ZNF490: variants seen among roughly 807,000 people sequenced by gnomAD.
ZNF490 encodes zinc finger protein 490.
ZNF490 carries 11 observed loss-of-function variants against 17.7 expected under a neutral mutation model. The observed-to-expected ratio is 0.62, with a 90% CI of 0.39 to 1.03. ZNF490 has a LOEUF of 1.03. Among genes scored for constraint, ZNF490 ranks in the 50% least tolerant of loss-of-function variants. The probability of loss-of-function intolerance (pLI) is 0.00; values close to 1 mark genes in which losing one functional copy is unlikely to be tolerated. For synonymous variants in ZNF490, 222 were observed against 216.1 expected (o/e 1.03, Z -0.24); for missense variants, 542 against 643.4 (o/e 0.84, Z 1.71).
intron 2 of ZNF490, among the ~76,000 whole-genome samples, chr19:12,595,409 AG>A (rs1216733938): frequency 6.6e-6 from 1 of 151,990 alleles, no homozygotes. Flanking sequence ...CACCATGTCC[AG>A]CCTTTTTTTT....
At chr19:12,604,085 T>C (rs1367081823) in intron 2 of ZNF490, among the ~76,000 whole-genome samples, 1 of 152,218 alleles carries the variant, frequency 6.6e-6, no homozygotes, top group Non-Finnish European at 1.5e-5. Flanking sequence ...AATGATGTGA[T>C]TAATCATGTC....
In ZNF490 at chr19:12,586,752, A is replaced by G. The variant is rs1431235004; in HGVS notation, c.163-3196T>C. On this transcript the variant is annotated intron_variant, in intron 2 of 4. Coordinates refer to ENST00000311437, the MANE Select transcript of ZNF490 (RefSeq NM_020714.3). ...GGCTGGATTGCAGTGACACAATCTC[A>G]GCTCACTGATACTGTCATAGTGGAT... is the stretch of plus-strand genomic sequence containing the variant. Among the ~76,000 whole-genome samples, 2 of 93,022 alleles carry G rather than the reference A, an allele frequency of 2.2e-5. 1 individual carries two copies. The highest frequency in any genetic ancestry group is 5.8e-5 in the Non-Finnish European group (2 of 34,540). The allele number at this position is 93,022 out of a possible 152,430, so 61.0% of individuals were successfully genotyped here.
At chr19:12,585,420 C>T (rs1195365225) in intron 2 of ZNF490, among the ~76,000 whole-genome samples, 1 of 92,380 alleles carries the variant, frequency 1.1e-5, no homozygotes, top group African/African-American at 3.2e-5. Flanking sequence ...GGGTGTCTTT[C>T]GGGACATCAA....
intron 2 of ZNF490, among the ~76,000 whole-genome samples, chr19:12,599,442 A>G (rs992853601): frequency 6.6e-6 from 1 of 152,164 alleles, no homozygotes; most frequent in Non-Finnish European, 1.5e-5. Flanking sequence ...AGGCCTCCTG[A>G]ATGCTTCATA....
chr19:12,607,388 T>C (rs1197316851), intron 2 of ZNF490, among the ~76,000 whole-genome samples: 1 of 151,840 alleles, frequency 6.6e-6, no homozygotes, highest in Non-Finnish European at 1.5e-5. Flanking sequence ...TAGCCAAGCG[T>C]GGTGGCGCAC....
In ZNF490 at chr19:12,576,813, C is replaced by CAA. The variant is rs149742929; in HGVS notation, c.*3670_*3671dup. On this transcript the variant is annotated 3_prime_UTR_variant, in exon 5 of 5. Coordinates refer to ENST00000311437, the MANE Select transcript of ZNF490 (RefSeq NM_020714.3). ...GCCTGGCAACAGTGAGAATCCATCT[C>CAA]AAAAAAAAAAAAAAAAAAAAAAACC... Among the ~76,000 whole-genome samples the CAA allele has an allele frequency of 0.033, 1,128 of 34,122 alleles. 74 individuals are homozygous for CAA. Among genetic ancestry groups the CAA allele is most frequent in the African/African-American group, 0.09 (832 of 9,276 alleles). 22.4% of individuals were successfully genotyped at this position (34,122 alleles called of 152,430 possible).
At chr19:12,588,826 G>A (rs1008150076) in intron 2 of ZNF490, among the ~76,000 whole-genome samples, 1 of 152,106 alleles carries the variant, frequency 6.6e-6, no homozygotes, top group Admixed American at 6.6e-5. Flanking sequence ...CAAATATTTG[G>A]ATATTAAATC....
At chr19:12,599,946 TA>T (rs752411102) in intron 2 of ZNF490, among the ~76,000 whole-genome samples, 1 of 152,226 alleles carries the variant, frequency 6.6e-6, no homozygotes, top group Non-Finnish European at 1.5e-5. Flanking sequence ...GGCTTTCTTT[TA>T]GAACACTAAC....
chr19:12,580,267 G>A lies in ZNF490; in HGVS notation c.*218C>T. 4 of 1,322,452 alleles carry A rather than the reference G, an allele frequency of 3.0e-6. No homozygotes were observed. Among genetic ancestry groups the A allele is most frequent in the Non-Finnish European group, 3.9e-6 (4 of 1,038,756 alleles). 81.9% of individuals were successfully genotyped at this position (1,322,452 alleles called of 1,614,324 possible). ...TACATTCGTAGCTTTTCTGTCCATG[G>A]AGTCCATTCACATATCTGCAATCCC... is the stretch of plus-strand genomic sequence containing the variant. On this transcript the variant is annotated 3_prime_UTR_variant, in exon 5 of 5. Transcript: ENST00000311437.
intron 2 of ZNF490, among the ~76,000 whole-genome samples, chr19:12,604,788 C>T (rs961730019): frequency 6.6e-6 from 1 of 151,304 alleles, no homozygotes; most frequent in Non-Finnish European, 1.5e-5. Flanking sequence ...CGCGCCATTG[C>T]ACTCCAGCCT....
At chr19:12,589,551 G>C (rs910973403) in intron 2 of ZNF490, among the ~76,000 whole-genome samples, 2 of 147,642 alleles carry the variant, frequency 1.4e-5, no homozygotes, top group African/African-American at 5.0e-5. Flanking sequence ...AGGAATAGAA[G>C]GGAATTTCTT....
At position 12,584,867 on chromosome 19, in the gene ZNF490, G is replaced by A. The variant is rs745377977; in HGVS notation, c.163-1311C>T. On this transcript the variant is annotated intron_variant, in intron 2 of 4. Coordinates refer to ENST00000311437, the MANE Select transcript of ZNF490 (RefSeq NM_020714.3). ...TTAGTATTAATTTCAACGTGTTTGT[G>A]TAATATTTATCATAGGTTCAGTTTT... Among the ~76,000 whole-genome samples the A allele has an allele frequency of 1.8e-4, 17 of 93,914 alleles. 6 individuals carry two copies. The highest frequency in any genetic ancestry group is 3.4e-4 in the Non-Finnish European group (12 of 34,948). 61.6% of individuals were successfully genotyped at this position (93,914 alleles called of 152,430 possible).
At chr19:12,596,142 G>C (rs2145155626) in intron 2 of ZNF490, among the ~76,000 whole-genome samples, 1 of 150,794 alleles carries the variant, frequency 6.6e-6, no homozygotes, top group East Asian at 2.0e-4. Context: ...GCACACGCCT[G>C]TAATACCAGC....
rs1269289244 is a variant in ZNF490, at chr19:12,577,069, G to A, written c.*3416C>T. Among the ~76,000 whole-genome samples, 1 of 152,108 alleles carries A rather than the reference G, an allele frequency of 6.6e-6. No individual in the cohort carries two copies. Among genetic ancestry groups the A allele is most frequent in the Non-Finnish European group, 1.5e-5 (1 of 68,038 alleles). Reference sequence around the variant, plus strand: ...TGGCTCCTCGGGAATAACCACCACAGTGCCTTATATATCCTTGCTTGCTTT... The same window carrying A: ...TGGCTCCTCGGGAATAACCACCACAATGCCTTATATATCCTTGCTTGCTTT... On this transcript the variant is annotated 3_prime_UTR_variant, in exon 5 of 5. Transcript: ENST00000311437.
Position 12,577,486 on chromosome 19 carries a change from T to C in ZNF490, c.*2999A>G, listed in dbSNP as rs1353478362. On this transcript the variant is annotated 3_prime_UTR_variant, in exon 5 of 5. Coordinates refer to ENST00000311437, the MANE Select transcript of ZNF490 (RefSeq NM_020714.3). The stretch of plus-strand genomic sequence containing the variant: ...CCTGAAATGGGTTGAGTAATAATGT[T>C]CCAACCCCTCATACTACCATAAATG... 6 of 985,216 alleles carry C rather than the reference T, an allele frequency of 6.1e-6. No homozygotes were observed. The highest frequency in any genetic ancestry group is 3.5e-5 in the African/African-American group (2 of 57,180). 61.0% of individuals were successfully genotyped at this position (985,216 alleles called of 1,614,324 possible).
intron 2 of ZNF490, among the ~76,000 whole-genome samples, chr19:12,601,085 CAAAAAAAAAAG>C (rs959178440): frequency 9.1e-6 from 1 of 110,318 alleles, no homozygotes; most frequent in Non-Finnish European, 1.9e-5. Context: ...GACCCTGTCT[CAAAAAAAAAAG>C]AAAAAAAAAA....
chr19:12,596,209 G>A (rs1369534047), intron 2 of ZNF490, among the ~76,000 whole-genome samples: 6 of 134,038 alleles, frequency 4.5e-5, no homozygotes, highest in African/African-American at 1.4e-4. Flanking sequence ...GGGTTGCAGT[G>A]AACTGAGATG....
intron 2 of ZNF490, among the ~76,000 whole-genome samples, chr19:12,606,343 CTTTT>C (rs35743660): frequency 4.9e-5 from 6 of 121,648 alleles, no homozygotes; most frequent in East Asian, 2.4e-4. Flanking sequence ...CTGGGTAATT[CTTTT>C]TTTTTTTTTT....
At chr19:12,586,286 G>A (rs1268306604) in intron 2 of ZNF490, among the ~76,000 whole-genome samples, 1 of 91,784 alleles carries the variant, frequency 1.1e-5, no homozygotes, top group Non-Finnish European at 2.9e-5. Context: ...GCGACAGAGC[G>A]AAACTCCACC....
Sources: gnomAD v4.1 joint callset for allele counts (sites outside exome capture counted in the v4.1 genomes callset) on GRCh38, gnomAD v4.1.1 for gene constraint, MANE v1.5 for transcripts, NCBI Gene and HGNC (gene_info 2026-07-23, HGNC 2026-07-21) for gene names.